The following TESK1 variants were observed in gnomAD, a reference collection of about 807,000 sequenced individuals.
The protein encoded by TESK1 is dual specificity testis-specific protein kinase 1.
A neutral mutation model predicts 59.9 loss-of-function variants in TESK1; 18 were observed. That is an observed-to-expected ratio of 0.30 (90% CI 0.21 to 0.45). TESK1 has a LOEUF of 0.45. Ranked by LOEUF, TESK1 falls within the 20% of genes least tolerant of loss-of-function variation. TESK1 has a pLI of 1.00. For synonymous variants in TESK1, 341 were observed against 357.4 expected, an observed-to-expected ratio of 0.95 and a Z score of 0.52; for missense variants, 748 against 840.9, an observed-to-expected ratio of 0.89 and a Z score of 1.37.
At chr9:35,606,189 C>A (rs1238155947) in intron 2 of TESK1, 48 bp from the exon 3 acceptor site, 6 of 1,614,178 alleles carry the variant, frequency 3.7e-6, no homozygotes, top group Admixed American at 1.7e-5. Context: ...TGAGGAGGAG[C>A]TGAGGCCTTT....
In TESK1 at chr9:35,609,768, C is replaced by T. The variant is rs1822942187; in HGVS notation, c.*26C>T. 4.6e-6 allele frequency: 7 copies of T among 1,530,946 alleles called. No individual in the cohort carries two copies. Among genetic ancestry groups the T allele is most frequent in the Non-Finnish European group, 6.1e-6 (7 of 1,144,498 alleles). 94.8% of individuals were successfully genotyped at this position (1,530,946 alleles called of 1,614,324 possible). A position where few individuals can be genotyped will look rare whatever the true frequency, so the allele number is the denominator to read the frequency against. ...CAGTGGAGCCCGTGGTCTCAGGCCT[C>T]CAACTTTGGCCTTCAGGACACCCTG... On this transcript the variant is annotated 3_prime_UTR_variant, in exon 10 of 10. Coordinates refer to ENST00000336395, the MANE Select transcript of TESK1 (RefSeq NM_006285.3). This position sits in a 1 kb window ranked among gnomAD's most constrained non-coding sequence, Gnocchi z 6.7.
At position 35,609,289 on chromosome 9, in the gene TESK1, G is replaced by A; in HGVS notation, c.1428G>A (p.Glu476=). ...EKMECEGSSP[E]PEPPGPAPQL... is the part of the protein sequence containing the mutation. ...TGGAGTGCGAGGGCAGCAGCCCTGA[G>A]CCGGAACCTCCAGGGCCAGCGCCCC... The change falls in exon 10 of 10, where the codon GAG becomes GAA. Residue 476 remains glutamate (E), a synonymous_variant. Transcript: ENST00000336395. The surrounding 1 kb of genome is among the most constrained non-coding windows in gnomAD (Gnocchi z 6.7). 1 of 1,614,054 alleles carries A rather than the reference G, an allele frequency of 6.2e-7. No individual in the cohort carries two copies.
chr9:35,609,607 C>T lies in TESK1; in HGVS notation c.1746C>T (p.Ser582=). ...GCCCCTTCAGCTTTGGCTTCCTGTC[C>T]ATGTGCCCCCGCCCCACACCAGCTG... ...CLGPFSFGFL[S]MCPRPTPAVA... is the part of the protein sequence containing the mutation. Residue 582 remains serine (S), a synonymous_variant, in exon 10 of 10, where the codon TCC becomes TCT. Coordinates refer to ENST00000336395, the MANE Select transcript of TESK1 (RefSeq NM_006285.3). This position sits in a 1 kb window ranked among gnomAD's most constrained non-coding sequence, Gnocchi z 6.7. The T allele has an allele frequency of 1.9e-6, 3 of 1,612,098 alleles. No individual in the cohort carries two copies. Among genetic ancestry groups the T allele is most frequent in the Non-Finnish European group, 2.5e-6 (3 of 1,179,960 alleles).
In TESK1 at chr9:35,609,785, GAC is replaced by G; in HGVS notation, c.*46_*47del. Reference sequence around the variant, plus strand: ...TCAGGCCTCCAACTTTGGCCTTCAGGACACCCTGTAAGAACAGAGCACACTTG... The same window carrying G: ...TCAGGCCTCCAACTTTGGCCTTCAGGACCCTGTAAGAACAGAGCACACTTG... On this transcript the variant is annotated 3_prime_UTR_variant, in exon 10 of 10. Coordinates refer to ENST00000336395, the MANE Select transcript of TESK1 (RefSeq NM_006285.3). This position sits in a 1 kb window ranked among gnomAD's most constrained non-coding sequence, Gnocchi z 6.7. 6.7e-7 allele frequency: 1 copy of G among 1,503,518 alleles called. No homozygotes were observed. Among genetic ancestry groups the G allele is most frequent in the Non-Finnish European group, 8.8e-7 (1 of 1,130,508 alleles). The allele number at this position is 1,503,518 out of a possible 1,614,324, so 93.1% of individuals were successfully genotyped here.
In TESK1 at chr9:35,606,229, T is replaced by A; in HGVS notation, c.342-8T>A. 6.2e-7 allele frequency: 1 copy of A among 1,614,170 alleles called. No individual in the cohort carries two copies. Among genetic ancestry groups the A allele is most frequent in the Non-Finnish European group, 8.5e-7 (1 of 1,180,024 alleles). The stretch of plus-strand genomic sequence containing the variant: ...GCCTATCCTTCTATCTTCCCCATCC[T>A]CTTGCAGGTTCATGGGAGTCTGTGT... On this transcript the variant is annotated splice_region_variant and splice_polypyrimidine_tract_variant and intron_variant, in intron 2 of 9. Transcript: ENST00000336395.
rs1441388326 is a variant in TESK1 at position 35,605,784 on chromosome 9, C to G, written c.165C>G (p.Asp55Glu). ...RSAVSSLARV[D>E]DFHCAEKIGA... ...CCGTGTCTAGCCTGGCGCGTGTGGA[C>G]GATTTTCACTGCGCGGAGAAGATCG... The change falls in exon 1 of 10, where the codon GAC becomes GAG. Residue 55 changes from aspartate to glutamate, a missense_variant. This residue lies in a region of TESK1 where 133 missense variants were observed against 117.4 expected (regional missense o/e 1.13). Transcript: ENST00000336395. The G allele has an allele frequency of 1.2e-6, 2 of 1,611,174 alleles. No individual in the cohort carries two copies. The highest frequency in any genetic ancestry group is 1.7e-6 in the Non-Finnish European group (2 of 1,179,342).
In TESK1 at chr9:35,608,250, G is replaced by GT; in HGVS notation, c.885+2dup. 1 of 1,614,062 alleles carries GT rather than the reference G, an allele frequency of 6.2e-7. No homozygotes were observed. Among genetic ancestry groups the GT allele is most frequent in the African/African-American group, 1.3e-5 (1 of 75,012 alleles). On this transcript the variant is annotated splice_donor_variant, in intron 8 of 9. Coordinates refer to ENST00000336395, the MANE Select transcript of TESK1 (RefSeq NM_006285.3). LOFTEE classifies it high-confidence loss of function. ...GCTCCTGGCCATCCACTGCTGCAAC[G>GT]TAAGAGCCTCACACTCCTTCCTGCC... is the stretch of plus-strand genomic sequence containing the variant.
Position 35,606,292 on chromosome 9 carries a change from A to C in TESK1, c.390+7A>C. 1 of 1,613,804 alleles carries C rather than the reference A, an allele frequency of 6.2e-7. No homozygotes were observed. The highest frequency in any genetic ancestry group is 8.5e-7 in the Non-Finnish European group (1 of 1,180,008). On this transcript the variant is annotated splice_region_variant and intron_variant, in intron 3 of 9. Coordinates refer to ENST00000336395, the MANE Select transcript of TESK1 (RefSeq NM_006285.3). ...GCTGCACGCTCTTACAGAGGTGAGG[A>C]TAGGCCAGGAAGGAGGGATCCCCAC...
Position 35,606,045 on chromosome 9 carries a change from G to C in TESK1, c.281G>C (p.Arg94Pro), listed in dbSNP as rs750343091. The C allele has an allele frequency of 6.2e-7, 1 of 1,614,164 alleles. No individual in the cohort carries two copies. Among genetic ancestry groups the C allele is most frequent in the Admixed American group, 1.7e-5 (1 of 60,020 alleles). The change falls in exon 2 of 10, where the codon CGG (arginine) becomes CCG (proline). Residue 94 changes from arginine (R) to proline (P), a missense_variant. Arg to Pro is a moderately radical substitution (Grantham distance 103). This residue lies in a region of TESK1 where 168 missense variants were observed against 257.4 expected (regional missense o/e 0.65). Coordinates refer to ENST00000336395, the MANE Select transcript of TESK1 (RefSeq NM_006285.3). ...AAGATGAACAAGCTCCCCAGTAACC[G>C]GGGCAACACACTACGGGAAGTGCAG... ...VLKMNKLPSN[R>P]GNTLREVQLM...
chr9:35,605,906 G>A, intron 1 of TESK1, 68 bp downstream of exon 1: 3 of 1,606,040 alleles, frequency 1.9e-6, no homozygotes, highest in South Asian at 1.1e-5. Flanking sequence ...CTAGGGGGCC[G>A]GGAGTGCGGG....
rs1430916829 is a variant in TESK1 at position 35,605,262 on chromosome 9, G to A, written c.-358G>A. On this transcript the variant is annotated 5_prime_UTR_variant, in exon 1 of 10. Transcript: ENST00000336395. ...CCCAGCCCCGCCCCCGGCAGGCCGC[G>A]GAGCCTGATCCCCGGCGGCTAAGCG... 6.6e-6 allele frequency: 1 copy of A among 150,618 alleles called. No homozygotes were observed. Among genetic ancestry groups the A allele is most frequent in the South Asian group, 1.8e-4 (1 of 5,494 alleles). The allele number at this position is 150,618 out of a possible 1,614,324, so 9.3% of individuals were successfully genotyped here. A position where few individuals can be genotyped will look rare whatever the true frequency, so the allele number is the denominator to read the frequency against.
In TESK1 at chr9:35,609,618, GC is replaced by G; in HGVS notation, c.1761del (p.Thr588HisfsTer10). On this transcript the variant is annotated frameshift_variant, in exon 10 of 10. Transcript: ENST00000336395. LOFTEE classifies it high-confidence loss of function. The surrounding 1 kb of genome is among the most constrained non-coding windows in gnomAD (Gnocchi z 6.7). The part of the protein sequence containing the change: ...FSFGFLSMCP[R>X]PTPAVARYRN... ...TTTGGCTTCCTGTCCATGTGCCCCCGCCCCACACCAGCTGTTGCCCGCTACC... is the reference window on the plus strand; with the variant it reads ...TTTGGCTTCCTGTCCATGTGCCCCCGCCCACACCAGCTGTTGCCCGCTACC... 1 of 1,611,124 alleles carries G rather than the reference GC, an allele frequency of 6.2e-7. No individual in the cohort carries two copies.
chr9:35,609,018 ACCT>A lies in TESK1; in HGVS notation c.1159_1161del (p.Leu387del). ...GTCAACCCCTTCTCACTACGGGAAG[ACCT>A]CAGGGGTGGCAAGATCAAGCTCTTA... On this transcript the variant is annotated inframe_deletion, in exon 10 of 10. Transcript: ENST00000336395. This position sits in a 1 kb window ranked among gnomAD's most constrained non-coding sequence, Gnocchi z 6.7. 6.2e-7 allele frequency: 1 copy of A among 1,614,136 alleles called. No homozygotes were observed. Among genetic ancestry groups the A allele is most frequent in the Non-Finnish European group, 8.5e-7 (1 of 1,180,018 alleles).
intron 9 of TESK1, 60 bp downstream of exon 9, chr9:35,608,569 C>G (rs1822896149): frequency 2.0e-6 from 3 of 1,485,818 alleles, no homozygotes; most frequent in African/African-American, 2.8e-5. Flanking sequence ...CCCTAGAATT[C>G]AGAGGTGACA....
rs755675303 is a variant in TESK1, at chr9:35,606,968, C to T, written c.522C>T (p.Arg174=). Residue 174 remains arginine, a synonymous_variant, in exon 4 of 10, where the codon CGC becomes CGT. Coordinates refer to ENST00000336395, the MANE Select transcript of TESK1 (RefSeq NM_006285.3). The part of the protein sequence containing the change: ...RYLHSKGVFH[R]DLTSKNCLVR... ...TGCACTCCAAAGGTGTATTTCACCG[C>T]GACCTCACATCCAAGGTAGGCTAGC... 9 of 1,599,594 alleles carry T rather than the reference C, an allele frequency of 5.6e-6. No homozygotes were observed. Among genetic ancestry groups the T allele is most frequent in the Middle Eastern group, 1.7e-4 (1 of 6,006 alleles).
At position 35,605,612 on chromosome 9, in the gene TESK1, G is replaced by T. The variant is rs1301960256; in HGVS notation, c.-8G>T. 6 of 1,096,050 alleles carry T rather than the reference G, an allele frequency of 5.5e-6. No homozygotes were observed. The highest frequency in any genetic ancestry group is 5.0e-5 in the African/African-American group (3 of 60,342). 67.9% of individuals were successfully genotyped at this position (1,096,050 alleles called of 1,614,324 possible). ...CATGTGAGGCAGGCCCGGGCTGGGGGCCCGGCCATGGCCGGGGAACGGCCC... is the reference window on the plus strand; with the variant it reads ...CATGTGAGGCAGGCCCGGGCTGGGGTCCCGGCCATGGCCGGGGAACGGCCC... On this transcript the variant is annotated 5_prime_UTR_variant, in exon 1 of 10. Coordinates refer to ENST00000336395, the MANE Select transcript of TESK1 (RefSeq NM_006285.3).
In TESK1 at chr9:35,609,235, C is replaced by T. The variant is rs770099369; in HGVS notation, c.1374C>T (p.Pro458=). The part of the protein sequence containing the change: ...METALPGPGP[P]AVGPSAEEKM... ...CAGCACTGCCAGGTCCTGGCCCTCC[C>T]GCTGTGGGCCCCTCGGCTGAAGAGA... The change falls in exon 10 of 10, where the codon CCC becomes CCT. Residue 458 remains proline, a synonymous_variant. Transcript: ENST00000336395. The surrounding 1 kb of genome is among the most constrained non-coding windows in gnomAD (Gnocchi z 6.7). The T allele has an allele frequency of 2.2e-5, 35 of 1,614,018 alleles. No homozygotes were observed. In the South Asian group the frequency reaches 2.2e-4, roughly 10 times the overall value.
chr9:35,606,655 C>T (rs760336710), intron 3 of TESK1, among the ~76,000 whole-genome samples, 182 bp from the exon 4 acceptor site: 1 of 152,046 alleles, frequency 6.6e-6, no homozygotes, highest in African/African-American at 2.4e-5. Context: ...AATTGTTGCA[C>T]ATGGCTAATG....
rs770247846 is a variant in TESK1, at chr9:35,608,385, T to C, written c.886-10T>C. On this transcript the variant is annotated splice_polypyrimidine_tract_variant and intron_variant, in intron 8 of 9. Transcript: ENST00000336395. ...CACTGAGTGAAGCCGTTCCTGTCTC[T>C]ACCCATCAGCTGGAACCCAGCACCC... is the stretch of plus-strand genomic sequence containing the variant. The C allele has an allele frequency of 1.2e-6, 2 of 1,613,646 alleles. No individual in the cohort carries two copies. The highest frequency in any genetic ancestry group is 2.7e-5 in the African/African-American group (2 of 74,906).
Sources: allele counts gnomAD v4.1 joint callset (sites outside exome capture counted in the v4.1 genomes callset), GRCh38; gene constraint gnomAD v4.1.1; regional missense constraint gnomAD v4.1.1; non-coding constraint Gnocchi (gnomAD v3.1); transcripts MANE v1.5; gene names NCBI Gene and HGNC (gene_info 2026-07-23, HGNC 2026-07-21).